The following INSL6 variants were observed in gnomAD, a reference collection of about 807,000 sequenced individuals.
The protein encoded by INSL6 is insulin-like peptide INSL6.
Under a neutral mutation model 9.4 loss-of-function variants are expected in INSL6, and 16 were observed. The observed-to-expected ratio is 1.70, with a 90% CI of 1.15 to 2.59. The LOEUF (loss-of-function observed/expected upper bound fraction) is 2.59, where lower values mean the gene tolerates loss of function less well. Among genes scored for constraint, INSL6 ranks in the 30% most tolerant of loss-of-function variants. INSL6 has a pLI of 0.00. For missense variants in INSL6, 391 were observed against 257.3 expected, an observed-to-expected ratio of 1.52 and a Z score of -3.56; for synonymous variants, 154 against 96.9, an observed-to-expected ratio of 1.59 and a Z score of -3.46.
chr9:5,011,115 C>T, the INSL6 span, among the ~76,000 whole-genome samples: 5 of 152,176 alleles, frequency 3.3e-5, no homozygotes, highest in Non-Finnish European at 7.4e-5. Flanking sequence ...AGATTGGATT[C>T]AGATGAACTT....
intron 1 of INSL6, among the ~76,000 whole-genome samples, chr9:5,172,235 G>T (rs1825198250): frequency 6.6e-6 from 1 of 151,900 alleles, no homozygotes; most frequent in African/African-American, 2.4e-5. Flanking sequence ...AATAGCAATG[G>T]GCAAAGGATC....
At chr9:5,136,416 T>G (rs1490193373) in intron 2 of INSL6, among the ~76,000 whole-genome samples, 1 of 152,160 alleles carries the variant, frequency 6.6e-6, no homozygotes, top group African/African-American at 2.4e-5. Flanking sequence ...AAAAAGCTTA[T>G]CCACCATGAT....
intron 1 of INSL6, among the ~76,000 whole-genome samples, chr9:5,178,507 TACAG>T (rs1304356519): frequency 6.6e-6 from 1 of 151,920 alleles, no homozygotes; most frequent in Non-Finnish European, 1.5e-5. Flanking sequence ...GCCAGAGTTA[TACAG>T]ACAGAGCTCT....
the INSL6 span, among the ~76,000 whole-genome samples, chr9:5,102,063 T>C: frequency 1.3e-5 from 2 of 152,166 alleles, no homozygotes; most frequent in African/African-American, 2.4e-5. Flanking sequence ...AGAAGTAGGC[T>C]TCAGAAGGTT....
chr9:5,089,770 G>C, the INSL6 span: 1 of 1,599,002 alleles, frequency 6.3e-7, no homozygotes, highest in African/African-American at 1.4e-5. Context: ...TAGTACTGAA[G>C]AGCACCTAAG....
chr9:5,016,920 C>T, the INSL6 span, among the ~76,000 whole-genome samples: 4 of 152,250 alleles, frequency 2.6e-5, no homozygotes, highest in Non-Finnish European at 4.4e-5. Flanking sequence ...GGCATAGTAG[C>T]TGAGAATTTC....
At chr9:5,174,800 C>T (rs141546837) in intron 1 of INSL6, among the ~76,000 whole-genome samples, 1 of 152,166 alleles carries the variant, frequency 6.6e-6, no homozygotes, top group Non-Finnish European at 1.5e-5. Context: ...CCACAAAATT[C>T]AACATGTCCA....
the INSL6 span, among the ~76,000 whole-genome samples, chr9:5,018,205 G>A: frequency 6.6e-6 from 1 of 152,026 alleles, no homozygotes; most frequent in Non-Finnish European, 1.5e-5. Context: ...TAGCATTGTG[G>A]TTTGTTGGTT....
the INSL6 span, among the ~76,000 whole-genome samples, chr9:5,058,580 T>G: frequency 6.6e-6 from 1 of 152,174 alleles, no homozygotes; most frequent in Non-Finnish European, 1.5e-5. Flanking sequence ...AGAAGTAGAA[T>G]TGCTGGATCA....
the INSL6 span, chr9:5,029,717 A>T: frequency 2.2e-6 from 3 of 1,369,878 alleles, no homozygotes; most frequent in Non-Finnish European, 2.0e-6. Flanking sequence ...ATTTCAAATT[A>T]TAGGTGCTAT....
At chr9:5,179,618 G>A (rs752564782) in intron 1 of INSL6, among the ~76,000 whole-genome samples, 2 of 152,166 alleles carry the variant, frequency 1.3e-5, no homozygotes, top group African/African-American at 2.4e-5. Context: ...TGATAAACTG[G>A]ATATAGAAAA....
the INSL6 span, among the ~76,000 whole-genome samples, chr9:5,084,841 G>C: frequency 6.6e-6 from 1 of 152,124 alleles, no homozygotes; most frequent in Non-Finnish European, 1.5e-5. Flanking sequence ...AAAGTTTTCT[G>C]AAAAAACTTT....
chr9:5,045,343 GAACAACA>G, the INSL6 span, among the ~76,000 whole-genome samples: 1 of 152,072 alleles, frequency 6.6e-6, no homozygotes, highest in Non-Finnish European at 1.5e-5. Context: ...TTCAGTTTAT[GAACAACA>G]AAAGGAAAAA....
chr9:5,156,077 T>A (rs1586866773), intron 2 of INSL6, among the ~76,000 whole-genome samples: 1 of 152,122 alleles, frequency 6.6e-6, no homozygotes, highest in African/African-American at 2.4e-5. Context: ...GGGAATATGA[T>A]GAAAAACTTT....
the INSL6 span, among the ~76,000 whole-genome samples, chr9:5,033,209 G>A: frequency 2.0e-5 from 3 of 152,086 alleles, no homozygotes; most frequent in Non-Finnish European, 2.9e-5. Context: ...AGGAATAAAA[G>A]GAAACAAACA....
the INSL6 span, chr9:5,080,081 A>C: frequency 3.6e-6 from 2 of 548,246 alleles, no homozygotes; most frequent in African/African-American, 3.8e-5. Flanking sequence ...AAGCTTATGC[A>C]GTCATGTGCA....
chr9:5,031,370 C>G, the INSL6 span, among the ~76,000 whole-genome samples: 1 of 152,046 alleles, frequency 6.6e-6, no homozygotes, highest in Non-Finnish European at 1.5e-5. Flanking sequence ...GAATCATAAA[C>G]TAAATAATGA....
At chr9:5,101,710 T>C in the INSL6 span, among the ~76,000 whole-genome samples, 58 of 152,342 alleles carry the variant, frequency 3.8e-4, no homozygotes, top group Admixed American at 1.4e-3. Flanking sequence ...TTGGCTGTTC[T>C]GCAATATTTG....
chr9:5,163,944 T>C lies in INSL6; in HGVS notation c.611A>G (p.Lys204Arg). 1 of 1,607,218 alleles carries C rather than the reference T, an allele frequency of 6.2e-7. No homozygotes were observed. The highest frequency in any genetic ancestry group is 1.7e-4 in the Middle Eastern group (1 of 5,980). Residue 204 changes from lysine (K) to arginine (R), a missense_variant, in exon 2 of 2, where the codon AAA becomes AGA. Lys to Arg is a conservative substitution (Grantham distance 26, BLOSUM62 2). Coordinates refer to ENST00000381641, the MANE Select transcript of INSL6 (RefSeq NM_007179.3). ...PYIDFKRLKE[K>R]RSSLVTKIY is the part of the protein sequence containing the mutation. ...TATCTTAGTTACAAGTGATGATCTT[T>C]TTTCCTTTAGCCTTTTAAAATCAAT...
Sources: allele counts gnomAD v4.1 joint callset (sites outside exome capture counted in the v4.1 genomes callset), GRCh38; gene constraint gnomAD v4.1.1; transcripts MANE v1.5; gene names NCBI Gene and HGNC (gene_info 2026-07-23, HGNC 2026-07-21).